Variants in KIF15 observed in about 807,000 individuals in gnomAD.
KIF15 encodes kinesin-like protein KIF15.
KIF15 carries 140 observed loss-of-function variants against 190.6 expected under a neutral mutation model. The observed-to-expected ratio is 0.73, with a 90% CI of 0.64 to 0.84. The LOEUF is 0.84. KIF15 is among the 40% of genes least tolerant of loss of function. KIF15 has a pLI of 0.00. For missense variants in KIF15, 1,372 were observed against 1,584.4 expected (o/e 0.87, Z 2.28); for synonymous variants, 528 against 551.3 (o/e 0.96, Z 0.59).
intron 20 of KIF15, among the ~76,000 whole-genome samples, chr3:44,816,955 T>C (rs1035146899): frequency 5.9e-5 from 9 of 152,026 alleles, no homozygotes; most frequent in Non-Finnish European, 1.0e-4. Flanking sequence ...TGGTGTCTCA[T>C]TGTGGTTTTG....
chr3:44,822,570 G>A (rs544599392), intron 20 of KIF15, among the ~76,000 whole-genome samples: 1 of 152,294 alleles, frequency 6.6e-6, no homozygotes, highest in East Asian at 1.9e-4. Flanking sequence ...GGTTGGGGAA[G>A]TTCTCCTGGA....
chr3:44,764,357 T>A (rs909854103), intron 1 of KIF15, among the ~76,000 whole-genome samples: 9 of 152,204 alleles, frequency 5.9e-5, no homozygotes, highest in African/African-American at 1.9e-4. Flanking sequence ...TGGTACAGTA[T>A]GTATTCTTTT....
At chr3:44,781,036 A>G in intron 5 of KIF15, 114 bp downstream of exon 5, 1 of 771,748 alleles carries the variant, frequency 1.3e-6, no homozygotes, top group Non-Finnish European at 2.1e-6. Context: ...TCTTGAAATT[A>G]GGGAAATTCC....
chr3:44,826,329 A>T, intron 21 of KIF15, 46 bp from the exon 22 acceptor site: 1 of 1,575,550 alleles, frequency 6.3e-7, no homozygotes, highest in Non-Finnish European at 8.7e-7. Context: ...TTCGTTGACT[A>T]TGCATTGCTA....
At chr3:44,818,972 G>A (rs1246216750) in intron 20 of KIF15, among the ~76,000 whole-genome samples, 2 of 152,170 alleles carry the variant, frequency 1.3e-5, no homozygotes, top group African/African-American at 4.8e-5. Context: ...TTAGTCTTGG[G>A]AGGGTGTATG....
intron 30 of KIF15, among the ~76,000 whole-genome samples, 188 bp downstream of exon 30, chr3:44,843,422 T>C (rs1175494948): frequency 6.6e-6 from 1 of 152,224 alleles, no homozygotes; most frequent in East Asian, 1.9e-4. Context: ...TGCAGTGCGT[T>C]TTTGGCATTG....
intron 6 of KIF15, among the ~76,000 whole-genome samples, chr3:44,858,988 C>A (rs955528513): frequency 1.4e-4 from 21 of 152,318 alleles, no homozygotes; most frequent in Admixed American, 1.2e-3. Context: ...GTCAGAGAGC[C>A]CCGGGCCAGA....
At chr3:44,778,595 A>G (rs1257518768) in intron 4 of KIF15, among the ~76,000 whole-genome samples, 1 of 152,218 alleles carries the variant, frequency 6.6e-6, no homozygotes, top group Admixed American at 6.5e-5. Context: ...CCTCCTGGCT[A>G]TCAAGGTAGC....
At chr3:44,766,799 C>CT (rs768558749) in intron 1 of KIF15, among the ~76,000 whole-genome samples, 34 of 143,118 alleles carry the variant, frequency 2.4e-4, no homozygotes, top group Non-Finnish European at 4.8e-4. Flanking sequence ...CTTTTCTTTT[C>CT]TTTCTTTCTT....
chr3:44,793,234 C>T (rs1416488238), intron 7 of KIF15, among the ~76,000 whole-genome samples: 1 of 152,122 alleles, frequency 6.6e-6, no homozygotes, highest in African/African-American at 2.4e-5. Flanking sequence ...AATAGTGGAG[C>T]CATGGTTTGA....
intron 1 of KIF15, 98 bp from the exon 2 acceptor site, chr3:44,774,297 G>A: frequency 1.0e-6 from 1 of 967,238 alleles, no homozygotes; most frequent in Non-Finnish European, 1.6e-6. Context: ...GGGATCTGAG[G>A]AGGCTGAATG....
In KIF15 at chr3:44,779,608, G is replaced by A. The variant is rs187069335; in HGVS notation, c.324-1277G>A. 2.3e-3 allele frequency among the ~76,000 whole-genome samples: 348 copies of A among 152,162 alleles called. 5 individuals carry two copies. The highest frequency in any genetic ancestry group is 7.6e-3 in the African/African-American group (317 of 41,520). ...CCAGCACTTTGGGGGGCCGAGGTGC[G>A]TGGATCACGAGGTCAGGAGTTCAAG... is the stretch of plus-strand genomic sequence containing the variant. On this transcript the variant is annotated intron_variant, in intron 4 of 34. Transcript: ENST00000326047.
intron 6 of KIF15, among the ~76,000 whole-genome samples, chr3:44,867,596 G>A (rs990060313): frequency 2.0e-5 from 3 of 152,228 alleles, no homozygotes; most frequent in Non-Finnish European, 4.4e-5. Flanking sequence ...GCATAGAGAT[G>A]GTTGGTGTTG....
chr3:44,830,039 T>G lies in KIF15; in HGVS notation c.3012T>G (p.Thr1004=), dbSNP rs748958875. 135 of 1,593,706 alleles carry G rather than the reference T, an allele frequency of 8.5e-5. No homozygotes were observed. The highest frequency in any genetic ancestry group is 1.1e-4 in the Non-Finnish European group (134 of 1,171,820). The change falls in exon 25 of 35, where the codon ACT becomes ACG. Residue 1004 remains threonine (T), a synonymous_variant. Transcript: ENST00000326047. ...LRTSVCEKTE[T]IDTLKQELKD... Reference sequence around the variant, plus strand: ...CATCGGTCTGTGAGAAAACAGAAACTATAGACACCCTGAAACAAGAACTGA... The same window carrying G: ...CATCGGTCTGTGAGAAAACAGAAACGATAGACACCCTGAAACAAGAACTGA...
At chr3:44,841,730 T>A (rs1029345489) in intron 29 of KIF15, among the ~76,000 whole-genome samples, 4 of 152,158 alleles carry the variant, frequency 2.6e-5, no homozygotes, top group Non-Finnish European at 4.4e-5. Context: ...AGCATCCTCA[T>A]GGTTACTGAG....
chr3:44,809,121 G>A lies in KIF15; in HGVS notation c.1972-1725G>A, dbSNP rs142874842. ...ATGCACTCCTTTCCCAGCACTGTCC[G>A]CAGGAACTGGGATTGTCATGCTTGT... On this transcript the variant is annotated intron_variant, in intron 16 of 34. Coordinates refer to ENST00000326047, the MANE Select transcript of KIF15 (RefSeq NM_020242.3). Among the ~76,000 whole-genome samples, 77 of 152,278 alleles carry A rather than the reference G, an allele frequency of 5.1e-4. No homozygotes were observed. In the East Asian group the frequency reaches 9.6e-3, roughly 19 times the overall value.
chr3:44,850,824 G>A (rs149959931), intron 32 of KIF15, among the ~76,000 whole-genome samples: 194 of 152,206 alleles, frequency 1.3e-3, no homozygotes, highest in African/African-American at 4.4e-3. Context: ...GCAATCAACC[G>A]CTAGAAATTA....
intron 1 of KIF15, 22 bp from the exon 2 acceptor site, chr3:44,774,373 T>G: frequency 6.2e-7 from 1 of 1,607,738 alleles, no homozygotes; most frequent in South Asian, 1.1e-5. Flanking sequence ...AAATGACCTT[T>G]AATAACTTTT....
chr3:44,777,230 TC>T (rs1453000194), intron 3 of KIF15, among the ~76,000 whole-genome samples: 1 of 152,098 alleles, frequency 6.6e-6, no homozygotes, highest in Non-Finnish European at 1.5e-5. Context: ...ACTCCTGGCC[TC>T]AAGCAGTCCT....
Sources: allele counts gnomAD v4.1 joint callset (sites outside exome capture counted in the v4.1 genomes callset), GRCh38; gene constraint gnomAD v4.1.1; transcripts MANE v1.5; gene names NCBI Gene and HGNC (gene_info 2026-07-23, HGNC 2026-07-21).